Variants in COPS4 observed in about 807,000 individuals in gnomAD.
COPS4 encodes COP9 signalosome complex subunit 4.
A neutral mutation model predicts 55.1 loss-of-function variants in COPS4; 8 were observed. The ratio of observed to expected loss-of-function variants is 0.15; its 90% CI spans 0.09 to 0.26. The LOEUF is 0.26. Ranked by LOEUF, COPS4 falls within the 10% of genes least tolerant of loss-of-function variation. The probability of loss-of-function intolerance (pLI) is 1.00; values close to 1 mark genes in which losing one functional copy is unlikely to be tolerated. For synonymous variants in COPS4, 185 were observed against 165.7 expected (o/e 1.12, Z -0.90); for missense variants, 248 against 484.0 (o/e 0.51, Z 4.58).
chr4:83,049,814 T>C, intron 3 of COPS4, 67 bp from the exon 4 acceptor site: 1 of 920,870 alleles, frequency 1.1e-6, no homozygotes, highest in South Asian at 2.0e-5. Flanking sequence ...AGAATAACTT[T>C]CCTATTTATT....
chr4:83,039,051 T>C (rs1020964759), intron 1 of COPS4, among the ~76,000 whole-genome samples: 1 of 152,214 alleles, frequency 6.6e-6, no homozygotes, highest in African/African-American at 2.4e-5. Flanking sequence ...TGCTGTGAAA[T>C]AAACCCCAAA....
chr4:83,062,975 A>G, intron 6 of COPS4, 101 bp from the exon 7 acceptor site: 1 of 981,164 alleles, frequency 1.0e-6, no homozygotes, highest in Non-Finnish European at 1.5e-6. Context: ...CTGGCTGTAT[A>G]TTTAGTAGAC....
intron 9 of COPS4, among the ~76,000 whole-genome samples, chr4:83,070,192 AC>A (rs879511725): frequency 3.9e-5 from 6 of 152,112 alleles, no homozygotes; most frequent in Admixed American, 3.9e-4. Flanking sequence ...AATCTGTAGT[AC>A]CTTTAAGTTT....
rs1429149409 is a variant in COPS4 at position 83,057,283 on chromosome 4, A to T, written c.590A>T (p.Tyr197Phe). Residue 197 changes from tyrosine (Y) to phenylalanine (F), a missense_variant, in exon 6 of 10, where the codon TAT becomes TTT. By Grantham distance (22) the Tyr-to-Phe change is conservative (BLOSUM62 3). Around this residue, in one of 4 missense-constraint regions of COPS4, gnomAD observed 155 missense variants for 326.6 expected, o/e 0.47. Transcript: ENST00000264389. ...GTATGCTATGCACGTGTTCTTGATT[A>T]TAGAAGAAAATTCATTGAAGCTGCA... ...YKVCYARVLD[Y>F]RRKFIEAAQR... 1 of 1,607,444 alleles carries T rather than the reference A, an allele frequency of 6.2e-7. No homozygotes were observed. The highest frequency in any genetic ancestry group is 1.7e-5 in the Admixed American group (1 of 58,506).
intron 9 of COPS4, chr4:83,073,164 T>TTGCCCTTTAACAGTAAC: frequency 1.7e-6 from 1 of 571,934 alleles, no homozygotes; most frequent in Non-Finnish European, 3.2e-6. Context: ...AAGGAAGCCC[T>TTGCCCTTTAACAGTAAC]TGCCCTTTAA....
chr4:83,068,708 G>C (rs1731348042), intron 9 of COPS4, among the ~76,000 whole-genome samples, 186 bp downstream of exon 9: 1 of 152,206 alleles, frequency 6.6e-6, no homozygotes, highest in Non-Finnish European at 1.5e-5. Context: ...GGCGGCTCAT[G>C]CCTGTAATCC....
intron 1 of COPS4, among the ~76,000 whole-genome samples, chr4:83,044,173 G>A (rs1001269856): frequency 1.3e-5 from 2 of 152,280 alleles, no homozygotes; most frequent in Non-Finnish European, 2.9e-5. Context: ...GGCTGGGCGC[G>A]GTGGCTCACG....
chr4:83,039,223 CAGCTCTGCTT>C (rs1253908848), intron 1 of COPS4, among the ~76,000 whole-genome samples: 15 of 152,268 alleles, frequency 9.9e-5, no homozygotes, highest in Non-Finnish European at 2.1e-4. Flanking sequence ...GCCAGGTAGG[CAGCTCTGCTT>C]CTGTGGATTG....
chr4:83,044,792 A>G (rs1257659682), intron 1 of COPS4, among the ~76,000 whole-genome samples: 2 of 152,130 alleles, frequency 1.3e-5, no homozygotes, highest in Admixed American at 6.6e-5. Flanking sequence ...AACAACAACA[A>G]CAACAACAAA....
intron 1 of COPS4, among the ~76,000 whole-genome samples, chr4:83,044,862 G>A (rs1198420893): frequency 5.3e-5 from 8 of 152,144 alleles, no homozygotes; most frequent in Admixed American, 5.2e-4. Context: ...TACTAATACC[G>A]TTGAATATTT....
chr4:83,057,227 T>C (rs761579350), intron 5 of COPS4, 31 bp from the exon 6 acceptor site: 1 of 1,559,214 alleles, frequency 6.4e-7, no homozygotes, highest in South Asian at 1.2e-5. Flanking sequence ...TTTTAATTTG[T>C]CCCCTAATTG....
At chr4:83,069,698 AT>A (rs1359393709) in intron 9 of COPS4, among the ~76,000 whole-genome samples, 2 of 151,928 alleles carry the variant, frequency 1.3e-5, no homozygotes, top group African/African-American at 2.4e-5. Flanking sequence ...TTTTTTAGTT[AT>A]TTTTTTCTCT....
At position 83,049,412 on chromosome 4, in the gene COPS4, A is replaced by G. The variant is rs879249820; in HGVS notation, c.306+95A>G. On this transcript the variant is annotated intron_variant, in intron 3 of 9. Transcript: ENST00000264389. ...AATTCTTAAAGGAGATAATCATCCA[A>G]TTTCATTTTTGACAAAACAGTGTGC... 9.4e-6 allele frequency: 11 copies of G among 1,166,692 alleles called. No homozygotes were observed. In the East Asian group the frequency reaches 1.1e-4, roughly 12 times the overall value. The allele number at this position is 1,166,692 out of a possible 1,614,324, so 72.3% of individuals were successfully genotyped here.
At chr4:83,048,414 A>G (rs1207890507) in intron 2 of COPS4, among the ~76,000 whole-genome samples, 1 of 152,172 alleles carries the variant, frequency 6.6e-6, no homozygotes, top group African/African-American at 2.4e-5. Flanking sequence ...TACTGGCAGC[A>G]CTTGCTTTAT....
intron 9 of COPS4, among the ~76,000 whole-genome samples, chr4:83,074,333 G>A (rs988034670): frequency 1.6e-4 from 24 of 152,056 alleles, no homozygotes; most frequent in African/African-American, 5.1e-4. Flanking sequence ...GCATCTGTAT[G>A]TATTTGTTTT....
intron 4 of COPS4, among the ~76,000 whole-genome samples, chr4:83,056,191 C>T (rs1731009160): frequency 6.6e-6 from 1 of 152,080 alleles, no homozygotes; most frequent in South Asian, 2.1e-4. Flanking sequence ...CTAGGCATCC[C>T]AAATTGCTGG....
Position 83,035,367 on chromosome 4 carries a change from G to A in COPS4, c.74+69G>A, listed in dbSNP as rs1415885962. ...AAAGCCACAGCCTTAATCTCCTTAG[G>A]TTGGCCACGGCTCTTGGGCGTGAAG... On this transcript the variant is annotated intron_variant, in intron 1 of 9. Coordinates refer to ENST00000264389, the MANE Select transcript of COPS4 (RefSeq NM_016129.3). 7.0e-6 allele frequency: 9 copies of A among 1,287,714 alleles called. No homozygotes were observed. In the Admixed American group the frequency reaches 1.9e-4, roughly 27 times the overall value. 79.8% of individuals were successfully genotyped at this position (1,287,714 alleles called of 1,614,324 possible).
rs781158075 is a variant in COPS4, at chr4:83,062,387, C to T, written c.716-689C>T. On this transcript the variant is annotated intron_variant, in intron 6 of 9. Coordinates refer to ENST00000264389, the MANE Select transcript of COPS4 (RefSeq NM_016129.3). ...TGTGGATTCCATGTTTCTGAATTAT[C>T]CTCCTTGGTAAAATGTATTCATATC... 3.9e-5 allele frequency among the ~76,000 whole-genome samples: 6 copies of T among 152,284 alleles called. No individual in the cohort carries two copies. In the South Asian group the frequency reaches 8.3e-4, roughly 21 times the overall value.
At chr4:83,073,434 T>C (rs1282603445) in intron 9 of COPS4, 2 of 409,600 alleles carry the variant, frequency 4.9e-6, no homozygotes, top group East Asian at 3.5e-5. Flanking sequence ...CTGGTTTTCA[T>C]TTTCAGAATT....
Sources: allele counts gnomAD v4.1 joint callset (sites outside exome capture counted in the v4.1 genomes callset), GRCh38; gene constraint gnomAD v4.1.1; regional missense constraint gnomAD v4.1.1; transcripts MANE v1.5; gene names NCBI Gene and HGNC (gene_info 2026-07-23, HGNC 2026-07-21).